The following ADGRB3 variants were observed in gnomAD, a reference collection of about 807,000 sequenced individuals.
The protein encoded by ADGRB3 is brain-specific angiogenesis inhibitor 3.
A neutral mutation model predicts 193.4 loss-of-function variants in ADGRB3; 37 were observed. That is an observed-to-expected ratio of 0.19 (90% CI 0.15 to 0.25). The LOEUF (loss-of-function observed/expected upper bound fraction) is 0.25, where lower values mean the gene tolerates loss of function less well. ADGRB3 is among the 10% of genes least tolerant of loss of function. The probability of loss-of-function intolerance (pLI) is 1.00; values close to 1 mark genes in which losing one functional copy is unlikely to be tolerated. For missense variants in ADGRB3, 1,637 were observed against 1,852.9 expected, an observed-to-expected ratio of 0.88 and a Z score of 2.14; for synonymous variants, 690 against 644.2, an observed-to-expected ratio of 1.07 and a Z score of -1.08.
chr6:68,835,339 T>C (rs984575310), intron 3 of ADGRB3, among the ~76,000 whole-genome samples: 3 of 152,178 alleles, frequency 2.0e-5, no homozygotes, highest in African/African-American at 7.2e-5. Flanking sequence ...TTTGAAGTAG[T>C]TGATCGTCTT....
chr6:69,053,491 G>A (rs182291568), intron 15 of ADGRB3, among the ~76,000 whole-genome samples: 3 of 152,304 alleles, frequency 2.0e-5, no homozygotes, highest in Admixed American at 6.5e-5. Flanking sequence ...AATCTTGTAA[G>A]AGCCAGAGTG....
rs553887749 is a variant in ADGRB3 at position 68,920,802 on chromosome 6, AT to A, written c.758-9756del. Among the ~76,000 whole-genome samples the A allele has an allele frequency of 3.3e-5, 5 of 152,246 alleles. No individual in the cohort carries two copies. In the South Asian group the frequency reaches 6.2e-4, roughly 19 times the overall value. On this transcript the variant is annotated intron_variant, in intron 3 of 31. Coordinates refer to ENST00000370598, the MANE Select transcript of ADGRB3 (RefSeq NM_001704.3). Reference sequence around the variant, plus strand: ...AGACAAATGAAGAAACTAAAAAAAAATCTAATAGTTAAATCTAAATTATTAA... The same window carrying A: ...AGACAAATGAAGAAACTAAAAAAAAACTAATAGTTAAATCTAAATTATTAA...
At chr6:69,117,559 G>A (rs1162030533) in intron 17 of ADGRB3, among the ~76,000 whole-genome samples, 1 of 152,082 alleles carries the variant, frequency 6.6e-6, no homozygotes, top group Non-Finnish European at 1.5e-5. Flanking sequence ...ATTCTTGGAG[G>A]CAATAGGTAA....
chr6:69,170,239 C>T (rs550170414), intron 17 of ADGRB3, among the ~76,000 whole-genome samples: 19 of 152,084 alleles, frequency 1.2e-4, no homozygotes, highest in Non-Finnish European at 2.5e-4. Context: ...TGAACCATTT[C>T]AGTTCAAGCA....
At chr6:69,383,145 C>T (rs137944830) in intron 31 of ADGRB3, among the ~76,000 whole-genome samples, 1 of 151,976 alleles carries the variant, frequency 6.6e-6, no homozygotes, top group Non-Finnish European at 1.5e-5. Context: ...CAAATATCCT[C>T]ATTTATAAGC....
intron 1 of ADGRB3, among the ~76,000 whole-genome samples, chr6:68,636,546 C>T (rs1767962292): frequency 6.7e-6 from 1 of 149,646 alleles, no homozygotes; most frequent in South Asian, 2.1e-4. Flanking sequence ...GAGGGAAACA[C>T]GGCTTTTTGA....
In ADGRB3 at chr6:69,388,701, A is replaced by G. The variant is rs1461701708; in HGVS notation, c.4381-2A>G. On this transcript the variant is annotated splice_acceptor_variant, in intron 31 of 31. Transcript: ENST00000370598. LOFTEE classifies it high-confidence loss of function. ...GACTCTCTTTCCCTCTCTTCTCAACAGGAAAACCCCGCACCAAACAAGAAT... is the reference window on the plus strand; with the variant it reads ...GACTCTCTTTCCCTCTCTTCTCAACGGGAAAACCCCGCACCAAACAAGAAT... The G allele has an allele frequency of 6.2e-7, 1 of 1,611,252 alleles. No individual in the cohort carries two copies. The highest frequency in any genetic ancestry group is 1.3e-5 in the African/African-American group (1 of 74,786).
chr6:69,233,038 C>A, intron 17 of ADGRB3: 2 of 517,958 alleles, frequency 3.9e-6, no homozygotes, highest in African/African-American at 1.9e-5. Context: ...AGAGCTAGTC[C>A]CGGTTTCAGC....
chr6:68,897,706 AGGAAG>A (rs1436800166), intron 3 of ADGRB3, among the ~76,000 whole-genome samples: 2 of 121,614 alleles, frequency 1.6e-5, no homozygotes, highest in African/African-American at 6.0e-5. Flanking sequence ...AGAAGAAAGA[AGGAAG>A]GGAGGGAGGG....
intron 3 of ADGRB3, among the ~76,000 whole-genome samples, chr6:68,658,363 A>G (rs1372011074): frequency 6.6e-6 from 1 of 151,388 alleles, no homozygotes; most frequent in Non-Finnish European, 1.5e-5. Flanking sequence ...CGTTTCAAAT[A>G]GAAAAATATA....
chr6:69,101,922 G>T (rs187674602), intron 17 of ADGRB3, among the ~76,000 whole-genome samples: 22 of 152,076 alleles, frequency 1.4e-4, no homozygotes, highest in African/African-American at 5.3e-4. Flanking sequence ...GGGCTCAGTG[G>T]CTCACACTTG....
chr6:68,922,526 C>A (rs145473645), intron 3 of ADGRB3, among the ~76,000 whole-genome samples: 21 of 152,296 alleles, frequency 1.4e-4, no homozygotes, highest in African/African-American at 5.1e-4. Flanking sequence ...CGTGTACAGA[C>A]CTGTTCATCG....
intron 13 of ADGRB3, 37 bp from the exon 14 acceptor site, chr6:69,048,148 G>A (rs771262083): frequency 3.1e-6 from 5 of 1,590,732 alleles, no homozygotes; most frequent in Non-Finnish European, 4.3e-6. Flanking sequence ...AAAATGTAAA[G>A]CAAGTTTAAT....
chr6:69,121,087 G>A (rs1407194702), intron 17 of ADGRB3, among the ~76,000 whole-genome samples: 1 of 151,258 alleles, frequency 6.6e-6, no homozygotes, highest in Admixed American at 6.6e-5. Context: ...GATAATAGTG[G>A]AGAGAAGGTC....
Position 68,638,923 on chromosome 6 carries a change from T to C in ADGRB3, c.248T>C (p.Phe83Ser), listed in dbSNP as rs1375456513. 1 of 1,614,106 alleles carries C rather than the reference T, an allele frequency of 6.2e-7. No individual in the cohort carries two copies. The highest frequency in any genetic ancestry group is 8.5e-7 in the Non-Finnish European group (1 of 1,180,018). Residue 83 changes from phenylalanine to serine, a missense_variant, in exon 3 of 32, where the codon TTT becomes TCT. Phe to Ser is a radical substitution (Grantham distance 155, BLOSUM62 -2). Transcript: ENST00000370598. ...AAAAAGGACCTTAGCTGCTCTAACTTTTCACTCCTGGCTTATCAGTTTGAT... is the reference window on the plus strand; with the variant it reads ...AAAAAGGACCTTAGCTGCTCTAACTCTTCACTCCTGGCTTATCAGTTTGAT... ...FSKKDLSCSN[F>S]SLLAYQFDHF...
At chr6:69,027,578 T>A (rs1449695986) in intron 13 of ADGRB3, among the ~76,000 whole-genome samples, 1 of 152,132 alleles carries the variant, frequency 6.6e-6, no homozygotes, top group Non-Finnish European at 1.5e-5. Flanking sequence ...GACCAAAACA[T>A]CATGTGGCGC....
At chr6:69,222,174 A>G (rs1765911317) in intron 17 of ADGRB3, among the ~76,000 whole-genome samples, 1 of 152,114 alleles carries the variant, frequency 6.6e-6, no homozygotes, top group Non-Finnish European at 1.5e-5. Context: ...AATCTTGTTC[A>G]TGTCACTTAA....
chr6:69,105,002 C>T (rs533760798), intron 17 of ADGRB3, among the ~76,000 whole-genome samples: 2 of 152,072 alleles, frequency 1.3e-5, no homozygotes, highest in Non-Finnish European at 2.9e-5. Flanking sequence ...TAGTTTATAG[C>T]AAATGACTTA....
chr6:68,639,169 A>T lies in ADGRB3; in HGVS notation c.494A>T (p.Gln165Leu). The change falls in exon 3 of 32, where the codon CAG becomes CTG. Residue 165 changes from glutamine (Q) to leucine (L), a missense_variant. Coordinates refer to ENST00000370598, the MANE Select transcript of ADGRB3 (RefSeq NM_001704.3). Reference protein sequence around the residue: ...FLVLNKVSPSQFGCHVLCTWL... With the variant: ...FLVLNKVSPSLFGCHVLCTWL... The stretch of plus-strand genomic sequence containing the variant: ...GTATTGAACAAGGTCAGCCCAAGCC[A>T]GTTTGGTTGCCATGTATTATGTACT... 6.2e-7 allele frequency: 1 copy of T among 1,614,186 alleles called. No homozygotes were observed. The highest frequency in any genetic ancestry group is 8.5e-7 in the Non-Finnish European group (1 of 1,180,038).
Sources: allele counts gnomAD v4.1 joint callset (sites outside exome capture counted in the v4.1 genomes callset), GRCh38; gene constraint gnomAD v4.1.1; transcripts MANE v1.5; gene names NCBI Gene and HGNC (gene_info 2026-07-23, HGNC 2026-07-21).